The following DNM3 variants were observed in gnomAD, a reference collection of about 807,000 sequenced individuals.
DNM3 encodes dynamin-3.
Under a neutral mutation model 101.6 loss-of-function variants are expected in DNM3, and 47 were observed. That is an observed-to-expected ratio of 0.46 (90% CI 0.37 to 0.59). The LOEUF is 0.59. DNM3 is among the 20% of genes least tolerant of loss of function. The pLI is 0.00. For missense variants in DNM3, 849 were observed against 1,085.7 expected (o/e 0.78, Z 3.06); for synonymous variants, 385 against 387.9 (o/e 0.99, Z 0.09).
chr1:172,168,363 A>G (rs1462232170), intron 14 of DNM3, among the ~76,000 whole-genome samples: 1 of 152,040 alleles, frequency 6.6e-6, no homozygotes, highest in Non-Finnish European at 1.5e-5. Flanking sequence ...CACAGAGAAT[A>G]AAGGAGAATC....
intron 2 of DNM3, among the ~76,000 whole-genome samples, chr1:171,972,006 C>A (rs2044029843): frequency 6.6e-6 from 1 of 152,150 alleles, no homozygotes; most frequent in Non-Finnish European, 1.5e-5. Flanking sequence ...TTCTAAAATG[C>A]TGAAAGAGGT....
At chr1:172,020,519 G>A (rs896888166) in intron 4 of DNM3, among the ~76,000 whole-genome samples, 1 of 151,892 alleles carries the variant, frequency 6.6e-6, no homozygotes, top group Non-Finnish European at 1.5e-5. Flanking sequence ...AGGAGATGGA[G>A]ACTATACTGG....
intron 1 of DNM3, among the ~76,000 whole-genome samples, chr1:171,913,273 CAAA>C (rs915826815): frequency 1.3e-5 from 2 of 151,944 alleles, no homozygotes; most frequent in African/African-American, 4.8e-5. Context: ...AAGATGTCAA[CAAA>C]AAATAAGTAA....
intron 1 of DNM3, among the ~76,000 whole-genome samples, chr1:171,915,577 G>A (rs2039647505): frequency 6.6e-6 from 1 of 152,110 alleles, no homozygotes; most frequent in African/African-American, 2.4e-5. Context: ...CTGATGATGT[G>A]GATTATGATT....
Position 172,128,547 on chromosome 1 carries a change from T to G in DNM3, c.1546-2628T>G, listed in dbSNP as rs375984366. 3.0e-3 allele frequency among the ~76,000 whole-genome samples: 458 copies of G among 152,366 alleles called. 2 individuals carry two copies. Among genetic ancestry groups the G allele is most frequent in the African/African-American group, 9.9e-3 (412 of 41,594 alleles). On this transcript the variant is annotated intron_variant, in intron 13 of 20. Coordinates refer to ENST00000627582, the MANE Select transcript of DNM3 (RefSeq NM_015569.5). Reference sequence around the variant, plus strand: ...GGAAACATGAAATTAATTTTTACAATGAATTTTATTTAGCCCAATATATGT... The same window carrying G: ...GGAAACATGAAATTAATTTTTACAAGGAATTTTATTTAGCCCAATATATGT...
intron 20 of DNM3, chr1:172,418,210 C>G: frequency 8.5e-7 from 1 of 1,182,936 alleles, no homozygotes; most frequent in Non-Finnish European, 1.1e-6. Context: ...ATAATTTAAA[C>G]ATTGTTTTCT....
chr1:172,183,167 A>G (rs1035181853), intron 14 of DNM3, among the ~76,000 whole-genome samples: 1 of 152,096 alleles, frequency 6.6e-6, no homozygotes, highest in Non-Finnish European at 1.5e-5. Flanking sequence ...TAATACAGAT[A>G]TGCACATACA....
intron 14 of DNM3, among the ~76,000 whole-genome samples, chr1:172,202,550 T>G (rs899525735): frequency 3.9e-5 from 6 of 152,168 alleles, no homozygotes; most frequent in African/African-American, 1.4e-4. Flanking sequence ...ATGTATTTCT[T>G]TTACTAAATT....
rs200447773 is a variant in DNM3 at position 171,994,717 on chromosome 1, C to CT, written c.589+5580dup. 9.8e-3 allele frequency among the ~76,000 whole-genome samples: 1,425 copies of CT among 145,706 alleles called. 14 individuals are homozygous for CT. Among genetic ancestry groups the CT allele is most frequent in the African/African-American group, 0.024 (956 of 39,862 alleles). On this transcript the variant is annotated intron_variant, in intron 4 of 20. Transcript: ENST00000627582. ...TTTTTGGTTAGTTTTTTCTTTCTTT[C>CT]TTTTTTTTTTTGCCCCAATTGTTAT...
intron 14 of DNM3, among the ~76,000 whole-genome samples, chr1:172,140,967 A>C (rs948100509): frequency 6.6e-6 from 1 of 152,156 alleles, no homozygotes; most frequent in East Asian, 1.9e-4. Flanking sequence ...AAAACATAAA[A>C]GAGCTATTTG....
At chr1:172,083,245 G>A (rs1383220801) in intron 12 of DNM3, among the ~76,000 whole-genome samples, 1 of 152,126 alleles carries the variant, frequency 6.6e-6, no homozygotes, top group Non-Finnish European at 1.5e-5. Flanking sequence ...TAGGGAGCCT[G>A]TGCCAAGCTC....
chr1:172,003,020 AG>A (rs1412919439), intron 4 of DNM3, among the ~76,000 whole-genome samples: 1 of 152,066 alleles, frequency 6.6e-6, no homozygotes, highest in Non-Finnish European at 1.5e-5. Flanking sequence ...AATTTAATGT[AG>A]AAAAGAAACA....
chr1:171,906,050 T>C (rs893407529), intron 1 of DNM3, among the ~76,000 whole-genome samples: 4 of 152,154 alleles, frequency 2.6e-5, no homozygotes, highest in African/African-American at 9.7e-5. Flanking sequence ...TATTGTTGCT[T>C]TCAAAGGTTT....
chr1:172,285,076 T>C (rs1435172291), intron 15 of DNM3, among the ~76,000 whole-genome samples: 1 of 152,160 alleles, frequency 6.6e-6, no homozygotes, highest in Non-Finnish European at 1.5e-5. Context: ...GGGCATGCCA[T>C]ACAGTCCCTC....
Position 172,308,760 on chromosome 1 carries a change from T to A in DNM3, c.1802T>A (p.Leu601Gln), listed in dbSNP as rs752137023. Reference sequence around the variant, plus strand: ...TACAAAGACTATCGCTTCCTTGAGCTGGCATGTGATTCCCAGGAGGATGTC... The same window carrying A: ...TACAAAGACTATCGCTTCCTTGAGCAGGCATGTGATTCCCAGGAGGATGTC... Reference protein sequence around the residue: ...NVYKDYRFLELACDSQEDVDS... With the variant: ...NVYKDYRFLEQACDSQEDVDS... The change falls in exon 16 of 21, where the codon CTG becomes CAG. Residue 601 changes from leucine to glutamine, a missense_variant. Coordinates refer to ENST00000627582, the MANE Select transcript of DNM3 (RefSeq NM_015569.5). The A allele has an allele frequency of 6.2e-7, 1 of 1,607,900 alleles. No homozygotes were observed. Among genetic ancestry groups the A allele is most frequent in the Non-Finnish European group, 8.5e-7 (1 of 1,177,494 alleles).
At chr1:172,246,496 T>C (rs2061960215) in intron 14 of DNM3, among the ~76,000 whole-genome samples, 1 of 152,082 alleles carries the variant, frequency 6.6e-6, no homozygotes, top group Non-Finnish European at 1.5e-5. Context: ...GTAAATTAAG[T>C]CTGAGCTAGA....
In DNM3 at chr1:172,163,243, GT is replaced by G. The variant is rs201806268; in HGVS notation, c.1659+31970del. Among the ~76,000 whole-genome samples, 786 of 134,418 alleles carry G rather than the reference GT, an allele frequency of 5.8e-3. 6 individuals carry two copies. Among genetic ancestry groups the G allele is most frequent in the South Asian group, 0.045 (187 of 4,170 alleles). The allele number at this position is 134,418 out of a possible 152,430, so 88.2% of individuals were successfully genotyped here. ...GTTTACAGTGCAATATTCTTTTTTT[GT>G]TTTTTTTTTTTTTTGAGACGGAGTC... On this transcript the variant is annotated intron_variant, in intron 14 of 20. Coordinates refer to ENST00000627582, the MANE Select transcript of DNM3 (RefSeq NM_015569.5).
chr1:172,255,520 A>T (rs1057390081), intron 15 of DNM3, among the ~76,000 whole-genome samples: 1 of 152,160 alleles, frequency 6.6e-6, no homozygotes, highest in African/African-American at 2.4e-5. Flanking sequence ...GCTATGGTAG[A>T]CTATCATTTT....
At chr1:172,087,054 A>G (rs1177500721) in intron 12 of DNM3, among the ~76,000 whole-genome samples, 1 of 152,028 alleles carries the variant, frequency 6.6e-6, no homozygotes, top group Non-Finnish European at 1.5e-5. Context: ...GCCCACTGCA[A>G]TCTAGTTTCT....
Sources: gnomAD v4.1 joint callset for allele counts (sites outside exome capture counted in the v4.1 genomes callset) on GRCh38, gnomAD v4.1.1 for gene constraint, MANE v1.5 for transcripts, NCBI Gene and HGNC (gene_info 2026-07-23, HGNC 2026-07-21) for gene names.